Variants in TENM2 observed in about 807,000 individuals in gnomAD.
The protein encoded by TENM2 is teneurin transmembrane protein 2.
In TENM2, 52 loss-of-function variants were observed where a neutral mutation model predicts 245.2. The observed-to-expected ratio is 0.21, with a 90% CI of 0.17 to 0.27. TENM2 has a LOEUF of 0.27. Among genes scored for constraint, TENM2 ranks in the 10% least tolerant of loss-of-function variants. The pLI, the probability that TENM2 is intolerant of heterozygous loss-of-function variation, is 1.00. For missense variants in TENM2, 3,046 were observed against 3,666.8 expected, an observed-to-expected ratio of 0.83 and a Z score of 4.37; for synonymous variants, 1,363 against 1,438.9, an observed-to-expected ratio of 0.95 and a Z score of 1.19.
At chr5:167,680,481 A>C (rs1756631939) in intron 2 of TENM2, among the ~76,000 whole-genome samples, 1 of 152,076 alleles carries the variant, frequency 6.6e-6, no homozygotes, top group Non-Finnish European at 1.5e-5. Context: ...AGATATTGGG[A>C]AGTCCTCTAA....
At chr5:167,654,604 T>C (rs970695697) in intron 2 of TENM2, among the ~76,000 whole-genome samples, 1 of 151,722 alleles carries the variant, frequency 6.6e-6, no homozygotes, top group Non-Finnish European at 1.5e-5. Flanking sequence ...TTTTTTTTTT[T>C]ACATTTACTT....
At chr5:167,145,833 C>T in the TENM2 span, among the ~76,000 whole-genome samples, 146 of 152,120 alleles carry the variant, frequency 9.6e-4, no homozygotes, top group Non-Finnish European at 1.7e-3. Flanking sequence ...GGATGATAGT[C>T]CATGTTCCCC....
At chr5:168,258,667 T>C (rs1767908916) in intron 27 of TENM2, among the ~76,000 whole-genome samples, 1 of 152,154 alleles carries the variant, frequency 6.6e-6, no homozygotes, top group African/African-American at 2.4e-5. Flanking sequence ...ATTCCATTCA[T>C]GTCAAATGTC....
intron 2 of TENM2, among the ~76,000 whole-genome samples, chr5:167,863,183 G>T (rs557976200): frequency 6.6e-6 from 1 of 152,206 alleles, no homozygotes; most frequent in Non-Finnish European, 1.5e-5. Context: ...GAAGGATTTC[G>T]TAAATTACAA....
intron 2 of TENM2, among the ~76,000 whole-genome samples, chr5:167,737,345 G>A (rs570674877): frequency 2.6e-5 from 4 of 152,250 alleles, no homozygotes; most frequent in East Asian, 1.9e-4. Context: ...GTCACAGAGC[G>A]CCGGCGGCTA....
chr5:167,820,770 G>C (rs1451285186), intron 2 of TENM2, among the ~76,000 whole-genome samples: 2 of 152,146 alleles, frequency 1.3e-5, no homozygotes, highest in African/African-American at 4.8e-5. Flanking sequence ...TTGCCTTAAT[G>C]GGAAGAGCCA....
At chr5:167,097,962 A>C in the TENM2 span, among the ~76,000 whole-genome samples, 1 of 152,204 alleles carries the variant, frequency 6.6e-6, no homozygotes, top group East Asian at 1.9e-4. Context: ...TACAGTGACA[A>C]TATTAGAATG....
intron 5 of TENM2, among the ~76,000 whole-genome samples, chr5:168,031,612 G>T (rs1663499159): frequency 6.7e-6 from 1 of 148,804 alleles, no homozygotes; most frequent in Non-Finnish European, 1.5e-5. Flanking sequence ...AAGAAAGAAA[G>T]ACAGAGGGAT....
the TENM2 span, among the ~76,000 whole-genome samples, chr5:167,222,722 A>G: frequency 6.6e-6 from 1 of 152,164 alleles, no homozygotes; most frequent in Non-Finnish European, 1.5e-5. Flanking sequence ...TTTACATCCC[A>G]GTTCGCAAAG....
intron 12 of TENM2, among the ~76,000 whole-genome samples, chr5:168,136,225 C>G (rs545847979): frequency 4.6e-5 from 7 of 152,262 alleles, no homozygotes; most frequent in African/African-American, 1.7e-4. Flanking sequence ...CACCCTAAGC[C>G]CTACGAGTGT....
chr5:167,817,247 C>G (rs1767129107), intron 2 of TENM2, among the ~76,000 whole-genome samples: 1 of 152,162 alleles, frequency 6.6e-6, no homozygotes, highest in Non-Finnish European at 1.5e-5. Context: ...GTTGTAGAAT[C>G]TGCTTCTTCT....
chr5:167,315,374 T>C (rs1756303154), intron 1 of TENM2, among the ~76,000 whole-genome samples: 1 of 152,174 alleles, frequency 6.6e-6, no homozygotes. Flanking sequence ...GATAATTAGA[T>C]AACATGACTG....
chr5:167,846,245 A>G, intron 2 of TENM2, among the ~76,000 whole-genome samples: 1 of 152,206 alleles, frequency 6.6e-6, no homozygotes, highest in South Asian at 2.1e-4. Flanking sequence ...TGTGTCTGGC[A>G]CTGCTTCTGC....
chr5:168,072,888 G>A (rs979573739), intron 7 of TENM2, among the ~76,000 whole-genome samples: 6 of 152,136 alleles, frequency 3.9e-5, no homozygotes, highest in African/African-American at 1.4e-4. Flanking sequence ...GATGCTGGCC[G>A]ACACCAATAC....
chr5:167,739,204 A>G (rs34725756), intron 2 of TENM2, among the ~76,000 whole-genome samples: 20,135 of 152,096 alleles, frequency 0.13, 1,704 homozygotes, highest in African/African-American at 0.24. Context: ...GGTAGGGTGT[A>G]GATTAGTTCT....
At chr5:167,408,587 C>T (rs949540408) in intron 2 of TENM2, among the ~76,000 whole-genome samples, 9 of 151,868 alleles carry the variant, frequency 5.9e-5, no homozygotes, top group African/African-American at 1.7e-4. Context: ...TATGAAAGAT[C>T]GATTCCATTA....
rs113419440 is a variant in TENM2, at chr5:167,970,900, G to A, written c.947+18078G>A. ...ACCCACCGAGAATTTCAATATAATC[G>A]TGTGTGTGGTGGCACTGGGGTGGGC... is the stretch of plus-strand genomic sequence containing the variant. On this transcript the variant is annotated intron_variant, in intron 4 of 28. Coordinates refer to ENST00000518659, the Ensembl canonical transcript of TENM2. Among the ~76,000 whole-genome samples the A allele has an allele frequency of 3.1e-3, 475 of 151,968 alleles. 4 individuals carry two copies. Among genetic ancestry groups the A allele is most frequent in the African/African-American group, 0.011 (437 of 41,428 alleles).
chr5:167,445,369 A>AGAGAGAGAGAGAGAGAGTGAGAGT (rs35699708), intron 2 of TENM2, among the ~76,000 whole-genome samples: 1 of 98,578 alleles, frequency 1.0e-5, no homozygotes, highest in South Asian at 3.6e-4. Flanking sequence ...AGAGAGAGAG[A>AGAGAGAGAGAGAGAGAGTGAGAGT]GTGTCAGGTG....
chr5:167,022,073 C>T, the TENM2 span, among the ~76,000 whole-genome samples: 270 of 152,244 alleles, frequency 1.8e-3, no homozygotes, highest in African/African-American at 6.4e-3. Flanking sequence ...CTTCAACACC[C>T]ATATTCAAGG....
Sources: gnomAD v4.1 joint callset for allele counts (sites outside exome capture counted in the v4.1 genomes callset) on GRCh38, gnomAD v4.1.1 for gene constraint, MANE v1.5 for transcripts, NCBI Gene and HGNC (gene_info 2026-07-23, HGNC 2026-07-21) for gene names.